The following ZPBP variants were observed in gnomAD, a reference collection of about 807,000 sequenced individuals.
ZPBP encodes zona pellucida-binding protein 1.
ZPBP carries 26 observed loss-of-function variants against 44.8 expected under a neutral mutation model. The observed-to-expected ratio is 0.58, with a 90% CI of 0.43 to 0.81. The LOEUF (loss-of-function observed/expected upper bound fraction) is 0.81. Among genes scored for constraint, ZPBP ranks in the 30% least tolerant of loss-of-function variants. The pLI, the probability that ZPBP is intolerant of heterozygous loss-of-function variation, is 0.00. For missense variants in ZPBP, 409 were observed against 434.0 expected, an observed-to-expected ratio of 0.94 and a Z score of 0.51; for synonymous variants, 174 against 153.2, an observed-to-expected ratio of 1.14 and a Z score of -1.00.
At position 50,063,322 on chromosome 7, in the gene ZPBP, C is replaced by A. The variant is rs114087296; in HGVS notation, c.335-5181G>T. ...TACATTTTTTAATTTAATTCCTGTT[C>A]CATTCCCCCATTTGGTGCTTTTTAT... is the stretch of plus-strand genomic sequence containing the variant. On this transcript the variant is annotated intron_variant, in intron 3 of 7. Coordinates refer to ENST00000046087, the MANE Select transcript of ZPBP (RefSeq NM_007009.3). Among the ~76,000 whole-genome samples the A allele has an allele frequency of 4.5e-3, 692 of 152,288 alleles. 2 individuals carry two copies. The highest frequency in any genetic ancestry group is 0.016 in the African/African-American group (672 of 41,564).
intron 3 of ZPBP, among the ~76,000 whole-genome samples, chr7:50,064,077 G>T (rs766803022): frequency 6.6e-6 from 1 of 152,112 alleles, no homozygotes; most frequent in Non-Finnish European, 1.5e-5. Context: ...TTTCCTAAGT[G>T]TCAGCCAGCT....
At chr7:50,091,604 A>T (rs970929957) in intron 1 of ZPBP, among the ~76,000 whole-genome samples, 8 of 152,120 alleles carry the variant, frequency 5.3e-5, no homozygotes, top group Non-Finnish European at 1.0e-4. Flanking sequence ...CACACATACC[A>T]TTTTCCTTAT....
At chr7:49,909,753 G>A (rs1418373501) in intron 1 of ZPBP, among the ~76,000 whole-genome samples, 1 of 152,128 alleles carries the variant, frequency 6.6e-6, no homozygotes, top group Non-Finnish European at 1.5e-5. Flanking sequence ...TTCTCTGAAA[G>A]AGAAAGAGTT....
chr7:49,929,470 G>A (rs1468086713), intron 1 of ZPBP, among the ~76,000 whole-genome samples: 2 of 152,200 alleles, frequency 1.3e-5, no homozygotes, highest in East Asian at 3.9e-4. Context: ...GCAGCTTCCA[G>A]AAAGGGGAAT....
At chr7:49,995,453 G>A (rs931199310) in intron 6 of ZPBP, among the ~76,000 whole-genome samples, 5 of 152,170 alleles carry the variant, frequency 3.3e-5, no homozygotes, top group African/African-American at 4.8e-5. Flanking sequence ...ACCACGTTTG[G>A]TATAACAGCT....
chr7:49,864,162 T>C (rs1790786412), intron 2 of ZPBP, among the ~76,000 whole-genome samples: 2 of 152,166 alleles, frequency 1.3e-5, no homozygotes, highest in African/African-American at 4.8e-5. Flanking sequence ...TCCTTGCCAT[T>C]GGTGTCACTG....
intron 6 of ZPBP, among the ~76,000 whole-genome samples, chr7:49,990,555 C>A (rs945602493): frequency 2.0e-5 from 3 of 151,898 alleles, no homozygotes; most frequent in African/African-American, 7.3e-5. Context: ...CCCTGCAACC[C>A]TGGGACTCCT....
At chr7:49,928,632 G>C (rs1794337452) in intron 1 of ZPBP, among the ~76,000 whole-genome samples, 1 of 151,936 alleles carries the variant, frequency 6.6e-6, no homozygotes, top group Non-Finnish European at 1.5e-5. Context: ...AAGTGGAGTG[G>C]CAGGAACGGA....
rs377544367 is a variant in ZPBP at position 50,017,912 on chromosome 7, G to A, written c.783+328C>T. Among the ~76,000 whole-genome samples the A allele has an allele frequency of 1.5e-4, 23 of 152,126 alleles. No homozygotes were observed. The South Asian group carries it at 4.8e-3, about 32-fold the overall frequency. Reference sequence around the variant, plus strand: ...ATTAAAAGATGGTTCAAATTTGCTTGTTATTTATGATGGACAATGGTAACA... The same window carrying A: ...ATTAAAAGATGGTTCAAATTTGCTTATTATTTATGATGGACAATGGTAACA... On this transcript the variant is annotated intron_variant, in intron 6 of 7. Transcript: ENST00000046087.
chr7:50,089,565 G>T (rs1802843750), intron 2 of ZPBP, 64 bp downstream of exon 2: 2 of 1,202,124 alleles, frequency 1.7e-6, no homozygotes, highest in South Asian at 1.3e-5. Context: ...TTTTGGAGAA[G>T]ACTGATAAAT....
At chr7:49,857,323 T>C (rs1790467739) in intron 2 of ZPBP, among the ~76,000 whole-genome samples, 1 of 152,200 alleles carries the variant, frequency 6.6e-6, no homozygotes, top group Non-Finnish European at 1.5e-5. Context: ...CTAAGCATAA[T>C]GTCCTCAAGG....
intron 3 of ZPBP, among the ~76,000 whole-genome samples, chr7:50,064,649 G>T (rs1164226563): frequency 6.6e-6 from 1 of 152,236 alleles, no homozygotes; most frequent in African/African-American, 2.4e-5. Flanking sequence ...GCTTTTGAAA[G>T]AAGAGAAATA....
chr7:49,959,815 G>A (rs1438342305), intron 7 of ZPBP, among the ~76,000 whole-genome samples: 1 of 152,060 alleles, frequency 6.6e-6, no homozygotes, highest in Non-Finnish European at 1.5e-5. Context: ...AACAAAGCTG[G>A]AGGATTATCC....
intron 3 of ZPBP, among the ~76,000 whole-genome samples, chr7:50,075,306 C>A (rs1474188547): frequency 6.6e-6 from 1 of 151,424 alleles, no homozygotes; most frequent in African/African-American, 2.4e-5. Flanking sequence ...TATTTAAGTG[C>A]CTACATTGAA....
At chr7:49,924,236 G>A (rs989388054) in intron 1 of ZPBP, among the ~76,000 whole-genome samples, 1 of 151,714 alleles carries the variant, frequency 6.6e-6, no homozygotes, top group Non-Finnish European at 1.5e-5. Flanking sequence ...AATTTATAGG[G>A]TAATTTTTTA....
intron 6 of ZPBP, among the ~76,000 whole-genome samples, chr7:50,009,604 T>C (rs1798478495): frequency 1.3e-5 from 2 of 152,052 alleles, no homozygotes; most frequent in African/African-American, 4.8e-5. Flanking sequence ...GAATATAATT[T>C]CTGTGGTCAT....
At chr7:49,988,158 G>C (rs1797400191) in intron 6 of ZPBP, among the ~76,000 whole-genome samples, 1 of 152,198 alleles carries the variant, frequency 6.6e-6, no homozygotes, top group Non-Finnish European at 1.5e-5. Context: ...CTGCTCTTTA[G>C]CTAAATCTGT....
intron 3 of ZPBP, 88 bp from the exon 4 acceptor site, chr7:50,058,229 T>G: frequency 7.2e-7 from 1 of 1,393,554 alleles, no homozygotes; most frequent in Non-Finnish European, 1.0e-6. Context: ...ACCATCATAA[T>G]TTACCAACAC....
intron 7 of ZPBP, among the ~76,000 whole-genome samples, chr7:49,946,376 C>T (rs2128755723): frequency 6.6e-6 from 1 of 152,248 alleles, no homozygotes; most frequent in Admixed American, 6.5e-5. Context: ...TAGGCAAGGT[C>T]TGGTGGTGAT....
Sources: gnomAD v4.1 joint callset for allele counts (sites outside exome capture counted in the v4.1 genomes callset) on GRCh38, gnomAD v4.1.1 for gene constraint, MANE v1.5 for transcripts, NCBI Gene and HGNC (gene_info 2026-07-23, HGNC 2026-07-21) for gene names.